The following VPS13B variants were observed in gnomAD, a reference collection of about 807,000 sequenced individuals.
VPS13B encodes vacuolar protein sorting 13 homolog B, also known as intermembrane lipid transfer protein VPS13B.
Under a neutral mutation model 426.4 loss-of-function variants are expected in VPS13B, and 285 were observed. The observed-to-expected ratio is 0.67, with a 90% confidence interval of 0.61 to 0.74. VPS13B has a LOEUF of 0.74. Among genes scored for constraint, VPS13B ranks in the 30% least tolerant of loss-of-function variants. VPS13B has a pLI of 0.00. For synonymous variants in VPS13B, 1,676 were observed against 1,676.4 expected, an observed-to-expected ratio of 1.00 and a Z score of 0.01; for missense variants, 4,537 against 4,782.6, an observed-to-expected ratio of 0.95 and a Z score of 1.51.
chr8:99,229,788 A>C (rs1340232295), intron 17 of VPS13B, among the ~76,000 whole-genome samples: 1 of 152,218 alleles, frequency 6.6e-6, no homozygotes, highest in East Asian at 1.9e-4. Flanking sequence ...TGCAAGCCAC[A>C]GTAAGAATTT....
At chr8:99,698,774 T>C (rs1211546690) in intron 35 of VPS13B, among the ~76,000 whole-genome samples, 1 of 152,200 alleles carries the variant, frequency 6.6e-6, no homozygotes, top group Non-Finnish European at 1.5e-5. Context: ...GTCTTATTAA[T>C]AATAGAAATA....
chr8:99,311,730 A>T (rs1820986601), intron 19 of VPS13B, among the ~76,000 whole-genome samples: 1 of 152,008 alleles, frequency 6.6e-6, no homozygotes, highest in Non-Finnish European at 1.5e-5. Flanking sequence ...ATCCTTGTTA[A>T]CTTTCTGTCT....
rs183792503 is a variant in VPS13B at position 99,250,231 on chromosome 8, A to G, written c.2516-23967A>G. The stretch of plus-strand genomic sequence containing the variant: ...TTCTAATAGTATTGTTTGTGCTTTT[A>G]TTGTTGAGTTTTGAAGCCTCTTTAT... On this transcript the variant is annotated intron_variant, in intron 17 of 61. Transcript: ENST00000357162. Among the ~76,000 whole-genome samples the G allele has an allele frequency of 3.1e-3, 471 of 152,098 alleles. 14 individuals are homozygous for G. The highest frequency in any genetic ancestry group is 0.028 in the Admixed American group (426 of 15,266).
intron 56 of VPS13B, among the ~76,000 whole-genome samples, chr8:99,854,883 A>G (rs1816470230): frequency 6.6e-6 from 1 of 152,180 alleles, no homozygotes; most frequent in Admixed American, 6.5e-5. Context: ...CAGCCTCTCC[A>G]CAGACCTGAG....
intron 17 of VPS13B, among the ~76,000 whole-genome samples, chr8:99,198,233 T>G (rs1190840964): frequency 6.6e-6 from 1 of 152,148 alleles, no homozygotes; most frequent in Non-Finnish European, 1.5e-5. Flanking sequence ...GCATTAGCAC[T>G]TATCACTGTG....
At chr8:99,319,854 TG>T (rs1284843533) in intron 19 of VPS13B, among the ~76,000 whole-genome samples, 1 of 152,214 alleles carries the variant, frequency 6.6e-6, no homozygotes, top group Non-Finnish European at 1.5e-5. Flanking sequence ...CTCACAGAGT[TG>T]TTTTATGGAT....
chr8:99,345,103 A>G, intron 19 of VPS13B, among the ~76,000 whole-genome samples: 1 of 152,082 alleles, frequency 6.6e-6, no homozygotes. Flanking sequence ...AATTTCTTGA[A>G]TAATTTATCT....
chr8:99,493,993 A>T (rs1820761878), intron 25 of VPS13B, among the ~76,000 whole-genome samples: 1 of 152,054 alleles, frequency 6.6e-6, no homozygotes, highest in African/African-American at 2.4e-5. Context: ...CTTAATGATA[A>T]GATAAATATT....
intron 17 of VPS13B, among the ~76,000 whole-genome samples, chr8:99,264,185 G>A (rs1044420224): frequency 3.3e-5 from 5 of 151,002 alleles, no homozygotes; most frequent in Non-Finnish European, 7.4e-5. Context: ...AGGTGTGTGA[G>A]ATAATTACTT....
intron 17 of VPS13B, among the ~76,000 whole-genome samples, chr8:99,204,715 A>G (rs1447705304): frequency 6.6e-6 from 1 of 152,276 alleles, no homozygotes; most frequent in East Asian, 1.9e-4. Context: ...AACATTTCTC[A>G]AAAGAAGACA....
intron 2 of VPS13B, among the ~76,000 whole-genome samples, chr8:99,030,135 CTTT>C (rs58542671): frequency 7.9e-5 from 6 of 75,744 alleles, no homozygotes; most frequent in Non-Finnish European, 1.4e-4. Flanking sequence ...AAAATACATG[CTTT>C]TTTTTTTTTT....
intron 29 of VPS13B, among the ~76,000 whole-genome samples, chr8:99,515,792 G>A (rs565807654): frequency 6.6e-6 from 1 of 152,090 alleles, no homozygotes; most frequent in East Asian, 1.9e-4. Context: ...TTCCTAAATG[G>A]CTGCTATTTC....
intron 43 of VPS13B, among the ~76,000 whole-genome samples, chr8:99,804,754 G>A (rs1228192932): frequency 6.6e-6 from 1 of 152,106 alleles, no homozygotes; most frequent in Admixed American, 6.6e-5. Context: ...CACTTTGGGA[G>A]GCCAAGGGGG....
At chr8:99,521,457 C>A (rs1418528481) in intron 30 of VPS13B, among the ~76,000 whole-genome samples, 1 of 152,190 alleles carries the variant, frequency 6.6e-6, no homozygotes, top group Non-Finnish European at 1.5e-5. Context: ...GAAAAGCAAA[C>A]TTCTAAAGAG....
At chr8:99,554,511 A>G (rs1475809905) in intron 30 of VPS13B, among the ~76,000 whole-genome samples, 1 of 152,150 alleles carries the variant, frequency 6.6e-6, no homozygotes, top group Non-Finnish European at 1.5e-5. Context: ...GTCAGTACAA[A>G]TCAGTGAATT....
intron 32 of VPS13B, 102 bp downstream of exon 32, chr8:99,575,886 G>T: frequency 8.5e-7 from 1 of 1,182,840 alleles, no homozygotes; most frequent in Non-Finnish European, 1.2e-6. Context: ...CTTCAAATTA[G>T]CTCATTAATA....
At chr8:99,115,063 T>C (rs192362539) in intron 6 of VPS13B, among the ~76,000 whole-genome samples, 21 of 152,314 alleles carry the variant, frequency 1.4e-4, no homozygotes, top group African/African-American at 4.8e-4. Context: ...TTAAATCTTA[T>C]CTACAATTTG....
At chr8:99,331,903 G>T (rs1351798207) in intron 19 of VPS13B, among the ~76,000 whole-genome samples, 1 of 151,650 alleles carries the variant, frequency 6.6e-6, no homozygotes, top group African/African-American at 2.4e-5. Flanking sequence ...ACTGCATAGG[G>T]ATAACTTTAG....
chr8:99,310,839 A>T (rs936436492), intron 19 of VPS13B, among the ~76,000 whole-genome samples: 2 of 152,154 alleles, frequency 1.3e-5, no homozygotes, highest in Non-Finnish European at 2.9e-5. Flanking sequence ...TTATTGCCTC[A>T]ATTTCAGAAC....
Sources: allele counts gnomAD v4.1 joint callset (sites outside exome capture counted in the v4.1 genomes callset), GRCh38; gene constraint gnomAD v4.1.1; transcripts MANE v1.5; gene names NCBI Gene and HGNC (gene_info 2026-07-23, HGNC 2026-07-21).